The following RBFOX3 variants were observed in gnomAD, a reference collection of about 807,000 sequenced individuals.
RBFOX3 encodes RNA binding protein fox-1 homolog 3.
Under a neutral mutation model 48.7 loss-of-function variants are expected in RBFOX3, and 17 were observed. The observed-to-expected ratio is 0.35, with a 90% CI of 0.24 to 0.52. The LOEUF (loss-of-function observed/expected upper bound fraction) is 0.52. RBFOX3 is among the 20% of genes least tolerant of loss of function. The pLI is 0.94. For missense variants in RBFOX3, 382 were observed against 497.5 expected (o/e 0.77, Z 2.21); for synonymous variants, 212 against 209.5 (o/e 1.01, Z -0.10).
At chr17:79,185,078 A>G (rs999502215) in intron 4 of RBFOX3, among the ~76,000 whole-genome samples, 1 of 151,542 alleles carries the variant, frequency 6.6e-6, no homozygotes, top group African/African-American at 2.4e-5. Flanking sequence ...ACCTGGGACC[A>G]TTCTCTCAGG....
chr17:79,542,267 C>G (rs1460587393), intron 1 of RBFOX3, among the ~76,000 whole-genome samples: 1 of 152,220 alleles, frequency 6.6e-6, no homozygotes, highest in African/African-American at 2.4e-5. Context: ...AAGGCAGCGG[C>G]TTCACCCTCC....
chr17:79,593,731 G>A (rs941553715), intron 1 of RBFOX3, among the ~76,000 whole-genome samples: 2 of 152,314 alleles, frequency 1.3e-5, no homozygotes, highest in East Asian at 1.9e-4. Flanking sequence ...AAGAGGAGTC[G>A]GGGAGCGACG....
chr17:79,526,413 C>A (rs2086802763), intron 1 of RBFOX3, among the ~76,000 whole-genome samples: 1 of 152,252 alleles, frequency 6.6e-6, no homozygotes, highest in Non-Finnish European at 1.5e-5. Flanking sequence ...TGCATTTTGT[C>A]ACCTATCACA....
chr17:79,567,671 GTAAA>G (rs1449698723), intron 1 of RBFOX3, among the ~76,000 whole-genome samples: 1 of 152,186 alleles, frequency 6.6e-6, no homozygotes, highest in Admixed American at 6.5e-5. Flanking sequence ...AAGGGAATAA[GTAAA>G]TAAATAAACT....
intron 4 of RBFOX3, among the ~76,000 whole-genome samples, chr17:79,153,761 C>T (rs2045133399): frequency 6.6e-6 from 1 of 152,224 alleles, no homozygotes; most frequent in Non-Finnish European, 1.5e-5. Context: ...ACCTCCTCCT[C>T]CCACCTTTGG....
chr17:79,313,511 G>A (rs1419030961), intron 2 of RBFOX3, among the ~76,000 whole-genome samples: 2 of 152,170 alleles, frequency 1.3e-5, no homozygotes, highest in African/African-American at 4.8e-5. Context: ...AACCATCCAG[G>A]GCTCTGGTCA....
At chr17:79,123,289 A>G (rs995488993) in intron 4 of RBFOX3, among the ~76,000 whole-genome samples, 2 of 152,216 alleles carry the variant, frequency 1.3e-5, no homozygotes. Context: ...ATTATCACAC[A>G]CTGCATGCCT....
Position 79,332,701 on chromosome 17 carries a change from G to GAACAGAGACACACACAGAGAGACAA in RBFOX3, c.-174-24878_-174-24877insTTGTCTCTCTGTGTGTGTCTCTGTT, listed in dbSNP as rs760018355. Among the ~76,000 whole-genome samples the GAACAGAGACACACACAGAGAGACAA allele has an allele frequency of 6.0e-3, 883 of 147,664 alleles. 27 individuals are homozygous for GAACAGAGACACACACAGAGAGACAA. The highest frequency in any genetic ancestry group is 0.02 in the African/African-American group (806 of 40,402). On this transcript the variant is annotated intron_variant, in intron 2 of 14. Coordinates refer to ENST00000693108, the MANE Select transcript of RBFOX3 (RefSeq NM_001350451.2). ...AGACAAAGAGAGACGGAGACAGAGA[G>GAACAGAGACACACACAGAGAGACAA]AGAGAGACAGAAAGACAGAGCCTGA... is the stretch of plus-strand genomic sequence containing the variant.
intron 2 of RBFOX3, among the ~76,000 whole-genome samples, chr17:79,403,833 A>G (rs1252721458): frequency 6.5e-5 from 9 of 139,350 alleles, no homozygotes; most frequent in Admixed American, 3.9e-4. Flanking sequence ...ACCCAGGAGT[A>G]CAGTGGCGCG....
the RBFOX3 span, among the ~76,000 whole-genome samples, chr17:79,626,200 T>C: frequency 6.6e-6 from 1 of 152,084 alleles, no homozygotes; most frequent in East Asian, 1.9e-4. Flanking sequence ...AAGGGTCAGG[T>C]GGACCAGAAA....
rs200580682 is a variant in RBFOX3 at position 79,101,571 on chromosome 17, C to A, written c.568+13G>T. On this transcript the variant is annotated intron_variant, in intron 9 of 14. Coordinates refer to ENST00000693108, the MANE Select transcript of RBFOX3 (RefSeq NM_001350451.2). ...TGACCCCAGCAGCCTTGTGGGGGGA[C>A]CCAGCCCCTTACCGTTGGTGTAGGG... 2.6e-4 allele frequency: 409 copies of A among 1,550,026 alleles called. 1 individual carries two copies. Among genetic ancestry groups the A allele is most frequent in the Non-Finnish European group, 3.4e-4 (393 of 1,146,050 alleles).
At chr17:79,381,506 A>G (rs887645081) in intron 2 of RBFOX3, among the ~76,000 whole-genome samples, 1 of 152,216 alleles carries the variant, frequency 6.6e-6, no homozygotes, top group African/African-American at 2.4e-5. Context: ...CGTGTCAGAC[A>G]GCGCATCCTG....
chr17:79,271,238 G>A (rs1290352136), intron 3 of RBFOX3, among the ~76,000 whole-genome samples: 2 of 152,068 alleles, frequency 1.3e-5, no homozygotes, highest in Non-Finnish European at 2.9e-5. Flanking sequence ...ACCATGCCCT[G>A]CTAATTTTTG....
intron 2 of RBFOX3, among the ~76,000 whole-genome samples, chr17:79,445,051 G>A (rs2071950710): frequency 6.6e-6 from 1 of 152,054 alleles, no homozygotes; most frequent in South Asian, 2.1e-4. Flanking sequence ...ACGTCCTCAA[G>A]GTTCATGTGT....
At chr17:79,244,494 A>G (rs961418974) in intron 3 of RBFOX3, among the ~76,000 whole-genome samples, 1 of 41,148 alleles carries the variant, frequency 2.4e-5, no homozygotes, top group Non-Finnish European at 5.3e-5. Flanking sequence ...CACCCTCCCC[A>G]CCTTCAGGGC....
chr17:79,393,130 T>C (rs145371640), intron 2 of RBFOX3, among the ~76,000 whole-genome samples: 3 of 152,334 alleles, frequency 2.0e-5, no homozygotes, highest in East Asian at 3.9e-4. Context: ...AACTGTGATA[T>C]GAGCAAGAGA....
intron 2 of RBFOX3, among the ~76,000 whole-genome samples, chr17:79,394,284 AG>A (rs2061719237): frequency 6.6e-6 from 1 of 152,204 alleles, no homozygotes; most frequent in South Asian, 2.1e-4. Flanking sequence ...AGGTCCAGGG[AG>A]GAGCTCACCC....
intron 2 of RBFOX3, among the ~76,000 whole-genome samples, chr17:79,413,834 C>T (rs1468339941): frequency 6.6e-6 from 1 of 152,244 alleles, no homozygotes; most frequent in African/African-American, 2.4e-5. Context: ...GGGCAGGCGG[C>T]TGCCATCCCA....
intron 4 of RBFOX3, among the ~76,000 whole-genome samples, chr17:79,156,893 G>A (rs972839625): frequency 2.0e-5 from 3 of 152,178 alleles, no homozygotes; most frequent in Non-Finnish European, 4.4e-5. Context: ...GCTGGCAGGC[G>A]CGGGGACTCT....
Sources: allele counts gnomAD v4.1 joint callset (sites outside exome capture counted in the v4.1 genomes callset), GRCh38; gene constraint gnomAD v4.1.1; transcripts MANE v1.5; gene names NCBI Gene and HGNC (gene_info 2026-07-23, HGNC 2026-07-21).